Variants in KCNIP4 observed in about 807,000 individuals in gnomAD.
KCNIP4 encodes potassium voltage-gated channel interacting protein 4, also known as Kv channel-interacting protein 4.
In KCNIP4, 12 loss-of-function variants were observed where a neutral mutation model predicts 34.0. The observed-to-expected ratio is 0.35, with a 90% CI of 0.23 to 0.57. The LOEUF is 0.57. Among genes scored for constraint, KCNIP4 ranks in the 20% least tolerant of loss-of-function variants. The pLI is 0.83. For missense variants in KCNIP4, 238 were observed against 311.7 expected (o/e 0.76, Z 1.78); for synonymous variants, 124 against 102.2 (o/e 1.21, Z -1.29).
chr4:21,310,806 T>G (rs889401691), intron 1 of KCNIP4, among the ~76,000 whole-genome samples: 24 of 151,922 alleles, frequency 1.6e-4, no homozygotes, highest in Admixed American at 1.2e-3. Context: ...ATTTTTTGTA[T>G]TTTAATAGAG....
intron 1 of KCNIP4, among the ~76,000 whole-genome samples, chr4:21,428,681 AGATGATATCCTGT>A (rs1344567579): frequency 4.6e-5 from 7 of 152,214 alleles, no homozygotes; most frequent in African/African-American, 1.7e-4. Flanking sequence ...CCACAAGGAA[AGATGATATCCTGT>A]GATGGAAATG....
intron 1 of KCNIP4, among the ~76,000 whole-genome samples, chr4:21,233,503 G>A (rs1453448954): frequency 6.6e-6 from 1 of 152,012 alleles, no homozygotes; most frequent in East Asian, 1.9e-4. Context: ...AAGGTAGAGG[G>A]TGAGGATTCA....
chr4:21,348,306 CAAGTT>C (rs1217254823), intron 1 of KCNIP4, among the ~76,000 whole-genome samples: 1 of 152,130 alleles, frequency 6.6e-6, no homozygotes, highest in Non-Finnish European at 1.5e-5. Context: ...ACTTGTTTTC[CAAGTT>C]AAGTTATCAA....
intron 1 of KCNIP4, among the ~76,000 whole-genome samples, chr4:21,942,838 A>T (rs1298434521): frequency 6.6e-6 from 1 of 152,130 alleles, no homozygotes; most frequent in Non-Finnish European, 1.5e-5. Context: ...GCTCACTGCA[A>T]CCTCTGCCTC....
At chr4:21,086,318 T>C (rs1746425726) in intron 1 of KCNIP4, among the ~76,000 whole-genome samples, 1 of 152,202 alleles carries the variant, frequency 6.6e-6, no homozygotes, top group Admixed American at 6.5e-5. Context: ...TGTCAGACTC[T>C]ATTGCAATTA....
chr4:21,542,992 T>C (rs1357294919), intron 1 of KCNIP4, among the ~76,000 whole-genome samples: 1 of 151,942 alleles, frequency 6.6e-6, no homozygotes, highest in Admixed American at 6.6e-5. Context: ...TTTAAATTAA[T>C]GTACAACAAA....
intron 5 of KCNIP4, among the ~76,000 whole-genome samples, chr4:20,746,364 G>C (rs1752426500): frequency 6.6e-6 from 1 of 151,890 alleles, no homozygotes; most frequent in Non-Finnish European, 1.5e-5. Flanking sequence ...ACACACCAGG[G>C]CATGTCGGAG....
chr4:21,444,653 C>G (rs528180716), intron 1 of KCNIP4, among the ~76,000 whole-genome samples: 23 of 152,184 alleles, frequency 1.5e-4, no homozygotes, highest in African/African-American at 5.3e-4. Context: ...TTTATGATAA[C>G]CCCATAGCCA....
At chr4:21,741,116 A>G (rs1306198804) in intron 1 of KCNIP4, among the ~76,000 whole-genome samples, 3 of 152,154 alleles carry the variant, frequency 2.0e-5, no homozygotes, top group African/African-American at 7.2e-5. Flanking sequence ...TCTTGTTCAT[A>G]TAAGAGGCAC....
intron 1 of KCNIP4, among the ~76,000 whole-genome samples, chr4:21,165,627 A>G (rs1236345426): frequency 6.6e-6 from 1 of 152,138 alleles, no homozygotes; most frequent in African/African-American, 2.4e-5. Flanking sequence ...GTACTCTTGG[A>G]TTAGGCAAAG....
In KCNIP4 at chr4:21,268,681, G is replaced by A. The variant is rs543098862; in HGVS notation, c.62-385972C>T. Among the ~76,000 whole-genome samples the A allele has an allele frequency of 1.1e-3, 161 of 152,288 alleles. 1 individual carries two copies. The South Asian group carries it at 0.014, about 13-fold the overall frequency. On this transcript the variant is annotated intron_variant, in intron 1 of 8. Coordinates refer to ENST00000382152, the MANE Select transcript of KCNIP4 (RefSeq NM_025221.6). ...TTACATGTGGCCTTTGAGCCTGTGA[G>A]GCATTTGAGCAAGGAACACCTCATT...
At chr4:21,946,652 A>G (rs1730527958) in intron 1 of KCNIP4, among the ~76,000 whole-genome samples, 1 of 152,208 alleles carries the variant, frequency 6.6e-6, no homozygotes. Flanking sequence ...AAAAAAGATA[A>G]TCCAAACTAT....
At chr4:21,285,895 C>T (rs1184859674) in intron 1 of KCNIP4, among the ~76,000 whole-genome samples, 1 of 152,110 alleles carries the variant, frequency 6.6e-6, no homozygotes, top group Non-Finnish European at 1.5e-5. Flanking sequence ...TTGATGCCTG[C>T]CATCTAGCAC....
intron 1 of KCNIP4, among the ~76,000 whole-genome samples, chr4:21,704,831 A>G (rs1713140207): frequency 6.6e-6 from 1 of 152,142 alleles, no homozygotes; most frequent in Non-Finnish European, 1.5e-5. Flanking sequence ...CCGAACATAC[A>G]TCACCTACAA....
intron 1 of KCNIP4, among the ~76,000 whole-genome samples, chr4:21,504,483 G>GAAAA (rs1733656239): frequency 5.9e-5 from 5 of 84,184 alleles, no homozygotes; most frequent in East Asian, 4.7e-4. Flanking sequence ...AAAAAAGAAA[G>GAAAA]AAAGAAAGAA....
intron 1 of KCNIP4, among the ~76,000 whole-genome samples, chr4:21,010,122 G>T (rs1055824366): frequency 1.3e-5 from 2 of 152,126 alleles, no homozygotes; most frequent in South Asian, 2.1e-4. Context: ...TCAACAGTAG[G>T]TCACACACTT....
At chr4:21,504,093 A>T (rs1270743031) in intron 1 of KCNIP4, among the ~76,000 whole-genome samples, 1 of 152,168 alleles carries the variant, frequency 6.6e-6, no homozygotes, top group Admixed American at 6.5e-5. Context: ...CATTTTAAAC[A>T]TCTCCTGAGC....
intron 3 of KCNIP4, among the ~76,000 whole-genome samples, chr4:20,811,937 A>C (rs1023900590): frequency 6.6e-6 from 1 of 152,200 alleles, no homozygotes; most frequent in Admixed American, 6.5e-5. Context: ...TAAGAAGCAA[A>C]GGAAGAGCAG....
intron 3 of KCNIP4, among the ~76,000 whole-genome samples, chr4:20,834,271 C>T (rs900444729): frequency 6.6e-6 from 1 of 152,150 alleles, no homozygotes; most frequent in Non-Finnish European, 1.5e-5. Flanking sequence ...AGGGAGAGGG[C>T]TCAGTGGGGT....
Sources: gnomAD v4.1 joint callset for allele counts (sites outside exome capture counted in the v4.1 genomes callset) on GRCh38, gnomAD v4.1.1 for gene constraint, MANE v1.5 for transcripts, NCBI Gene and HGNC (gene_info 2026-07-23, HGNC 2026-07-21) for gene names.